Variants in SCN11A observed in about 807,000 individuals in gnomAD.
SCN11A encodes sodium channel protein type 11 subunit alpha.
Under a neutral mutation model 162.2 loss-of-function variants are expected in SCN11A, and 122 were observed. That is an observed-to-expected ratio of 0.75 (90% confidence interval 0.65 to 0.87). The LOEUF is 0.87. Among genes scored for constraint, SCN11A ranks in the 40% least tolerant of loss-of-function variants. The pLI is 0.00. For synonymous variants in SCN11A, 758 were observed against 751.5 expected, an observed-to-expected ratio of 1.01 and a Z score of -0.14; for missense variants, 2,015 against 2,181.6, an observed-to-expected ratio of 0.92 and a Z score of 1.52.
At position 39,035,742 on chromosome 3, in the gene SCN11A, C is replaced by T. The variant is rs530853099; in HGVS notation, c.-403-3239G>A. Among the ~76,000 whole-genome samples, 8 of 151,410 alleles carry T rather than the reference C, an allele frequency of 5.3e-5. No homozygotes were observed. In the East Asian group the frequency reaches 1.6e-3, roughly 30 times the overall value. Reference sequence around the variant, plus strand: ...GCAAGCTCCGCCTCCCGGGTTCATGCCATTCTCCTGCCTCAGCCTCCCGAG... The same window carrying T: ...GCAAGCTCCGCCTCCCGGGTTCATGTCATTCTCCTGCCTCAGCCTCCCGAG... On this transcript the variant is annotated intron_variant, in intron 1 of 29. Coordinates refer to ENST00000302328, the MANE Select transcript of SCN11A (RefSeq NM_001349253.2).
intron 17 of SCN11A, among the ~76,000 whole-genome samples, chr3:38,899,340 A>G (rs552000683): frequency 6.6e-6 from 1 of 152,270 alleles, no homozygotes; most frequent in South Asian, 2.1e-4. Context: ...TATATTAGGT[A>G]CTTTGTAAAG....
intron 28 of SCN11A, among the ~76,000 whole-genome samples, chr3:38,854,607 C>G (rs2064836455): frequency 6.6e-6 from 1 of 152,150 alleles, no homozygotes; most frequent in Non-Finnish European, 1.5e-5. Context: ...TTCACAGATC[C>G]TTTGAAAGAA....
chr3:38,922,831 G>C (rs115229444), intron 9 of SCN11A, among the ~76,000 whole-genome samples: 1,923 of 152,168 alleles, frequency 0.013, 33 homozygotes, highest in Non-Finnish European at 0.018. Context: ...AGGTATTGGG[G>C]CCATGCGGTA....
intron 2 of SCN11A, among the ~76,000 whole-genome samples, chr3:38,998,974 G>A (rs1202099927): frequency 2.6e-5 from 4 of 151,758 alleles, no homozygotes; most frequent in Non-Finnish European, 4.4e-5. Context: ...GAGTTAATGG[G>A]TGCAGCACAC....
chr3:38,915,892 T>A (rs905787788), intron 11 of SCN11A, among the ~76,000 whole-genome samples: 1 of 152,116 alleles, frequency 6.6e-6, no homozygotes, highest in Non-Finnish European at 1.5e-5. Context: ...TCTAATACTG[T>A]CAGTGCTGTG....
At position 38,938,550 on chromosome 3, in the gene SCN11A, A is replaced by AT. The variant is rs71085342; in HGVS notation, c.488+6860dup. Among the ~76,000 whole-genome samples, 6 of 14,532 alleles carry AT rather than the reference A, an allele frequency of 4.1e-4. 1 individual carries two copies. Among genetic ancestry groups the AT allele is most frequent in the Non-Finnish European group, 6.0e-4 (5 of 8,282 alleles). The allele number at this position is 14,532 out of a possible 152,430, so 9.5% of individuals were successfully genotyped here. A position where few individuals can be genotyped will look rare whatever the true frequency, so the allele number is the denominator to read the frequency against. ...TATATATATATATATATATATATAT[A>AT]TTTTTTTTTTTTTTTTTTTTTTTTT... On this transcript the variant is annotated intron_variant, in intron 7 of 29. Coordinates refer to ENST00000302328, the MANE Select transcript of SCN11A (RefSeq NM_001349253.2).
At chr3:38,908,638 G>A (rs537146882) in intron 13 of SCN11A, among the ~76,000 whole-genome samples, 2 of 152,046 alleles carry the variant, frequency 1.3e-5, no homozygotes, top group Non-Finnish European at 2.9e-5. Context: ...CAAAGGCGCC[G>A]AACACAAACA....
intron 2 of SCN11A, among the ~76,000 whole-genome samples, chr3:38,988,507 GCACA>G (rs1559565679): frequency 6.6e-6 from 1 of 151,864 alleles, no homozygotes; most frequent in Admixed American, 6.6e-5. Flanking sequence ...GGTAGTCCTC[GCACA>G]CATCTTTCCC....
chr3:39,036,114 C>G (rs1401437878), intron 1 of SCN11A, among the ~76,000 whole-genome samples: 1 of 152,110 alleles, frequency 6.6e-6, no homozygotes, highest in Non-Finnish European at 1.5e-5. Context: ...AAGCAATCCT[C>G]CTGCGTCAGC....
chr3:38,868,748 AG>A (rs1335948224), intron 26 of SCN11A, among the ~76,000 whole-genome samples: 1 of 152,200 alleles, frequency 6.6e-6, no homozygotes, highest in African/African-American at 2.4e-5. Flanking sequence ...GAAGGCAAAG[AG>A]GGTATTCTTG....
At chr3:38,991,152 A>C (rs1346816638) in intron 2 of SCN11A, among the ~76,000 whole-genome samples, 1 of 152,178 alleles carries the variant, frequency 6.6e-6, no homozygotes, top group African/African-American at 2.4e-5. Context: ...AAAAGTTAGA[A>C]AGTTTCACCT....
intron 15 of SCN11A, 93 bp downstream of exon 15, chr3:38,905,099 C>T (rs897543116): frequency 6.4e-7 from 1 of 1,550,796 alleles, no homozygotes; most frequent in Non-Finnish European, 8.9e-7. Flanking sequence ...AAAACAGCCT[C>T]CTTTGCAGAG....
At chr3:38,887,225 C>T (rs961191159) in intron 19 of SCN11A, among the ~76,000 whole-genome samples, 11 of 152,146 alleles carry the variant, frequency 7.2e-5, no homozygotes, top group African/African-American at 2.6e-4. Flanking sequence ...AGAACAGAAC[C>T]TACTTCAGGC....
intron 1 of SCN11A, among the ~76,000 whole-genome samples, chr3:39,051,592 T>G (rs1028532291): frequency 2.0e-5 from 3 of 152,198 alleles, no homozygotes; most frequent in African/African-American, 7.2e-5. Flanking sequence ...CTCCGCATTT[T>G]TAGGTACTTA....
chr3:39,016,025 C>T (rs909624169), intron 2 of SCN11A, among the ~76,000 whole-genome samples: 4 of 152,132 alleles, frequency 2.6e-5, no homozygotes, highest in Non-Finnish European at 5.9e-5. Flanking sequence ...GCATGAGCCA[C>T]TAGATGTGAT....
chr3:38,893,434 T>G (rs1257802547), intron 19 of SCN11A, among the ~76,000 whole-genome samples: 1 of 152,128 alleles, frequency 6.6e-6, no homozygotes, highest in Non-Finnish European at 1.5e-5. Context: ...TCTCAATACC[T>G]TATTTTCAGA....
intron 5 of SCN11A, 29 bp downstream of exon 5, chr3:38,950,057 ACCCCCACCCC>A: frequency 6.0e-5 from 6 of 100,340 alleles, no homozygotes; most frequent in South Asian, 1.1e-4. Context: ...TGGTTAGAAC[ACCCCCACCCC>A]CACCCCCCCC....
chr3:38,920,961 G>T, intron 10 of SCN11A, 115 bp downstream of exon 10: 2 of 949,878 alleles, frequency 2.1e-6, no homozygotes, highest in Non-Finnish European at 1.6e-6. Flanking sequence ...GATGGATGAA[G>T]TCCTCCCTTG....
In SCN11A at chr3:38,850,585, A is replaced by T; in HGVS notation, c.4223T>A (p.Ile1408Asn). ...TTTGATGAGACATTCTAACGTAAAG[A>T]TGACCACAAAGACCCAGTTGAGATG... ...LDHLNWVFVVIFTLECLIKIF... is the reference protein window; with the variant it reads ...LDHLNWVFVVNFTLECLIKIF... The change falls in exon 29 of 30, where the codon ATC becomes AAC. Residue 1408 changes from isoleucine to asparagine, a missense_variant. Physicochemically the swap from Ile to Asn is moderately radical, Grantham distance 149 (BLOSUM62 -3). Transcript: ENST00000302328. 6.2e-7 allele frequency: 1 copy of T among 1,614,028 alleles called. No individual in the cohort carries two copies. Among genetic ancestry groups the T allele is most frequent in the Non-Finnish European group, 8.5e-7 (1 of 1,179,900 alleles).
Sources: gnomAD v4.1 joint callset for allele counts (sites outside exome capture counted in the v4.1 genomes callset) on GRCh38, gnomAD v4.1.1 for gene constraint, MANE v1.5 for transcripts, NCBI Gene and HGNC (gene_info 2026-07-23, HGNC 2026-07-21) for gene names.